The following IQGAP2 variants were observed in gnomAD, a reference collection of about 807,000 sequenced individuals.
The protein encoded by IQGAP2 is ras GTPase-activating-like protein IQGAP2.
A neutral mutation model predicts 201.3 loss-of-function variants in IQGAP2; 173 were observed. That is an observed-to-expected ratio of 0.86 (90% confidence interval 0.76 to 0.98). The LOEUF is 0.98. Among genes scored for constraint, IQGAP2 ranks in the 50% least tolerant of loss-of-function variants. The pLI, the probability that IQGAP2 is intolerant of heterozygous loss-of-function variation, is 0.00. For synonymous variants in IQGAP2, 675 were observed against 673.9 expected (o/e 1.00, Z -0.03); for missense variants, 1,687 against 1,864.8 (o/e 0.90, Z 1.76).
intron 2 of IQGAP2, among the ~76,000 whole-genome samples, chr5:76,558,173 A>C (rs1744080607): frequency 6.6e-6 from 1 of 152,114 alleles, no homozygotes; most frequent in African/African-American, 2.4e-5. Flanking sequence ...ACCTCTTTTT[A>C]AAAACAAGCC....
At chr5:76,637,522 C>A (rs973721244) in intron 16 of IQGAP2, among the ~76,000 whole-genome samples, 5 of 152,162 alleles carry the variant, frequency 3.3e-5, no homozygotes, top group Non-Finnish European at 5.9e-5. Context: ...AAAGGTATTT[C>A]TTTCCCCCCA....
In IQGAP2 at chr5:76,468,848, C is replaced by G. The variant is rs554850571; in HGVS notation, c.146+7179C>G. ...CTCTTTATCTAGTCAGACTTACTTC[C>G]TCTTCAGATTGCAGCTCACTTTTTC... On this transcript the variant is annotated intron_variant, in intron 2 of 35. Transcript: ENST00000274364. Among the ~76,000 whole-genome samples the G allele has an allele frequency of 9.2e-5, 14 of 152,334 alleles. No homozygotes were observed. In the South Asian group the frequency reaches 2.9e-3, roughly 32 times the overall value.
chr5:76,617,951 G>A lies in IQGAP2; in HGVS notation c.1521+6768G>A, dbSNP rs746156972. 9.9e-6 allele frequency: 16 copies of A among 1,613,958 alleles called. No individual in the cohort carries two copies. In the East Asian group the frequency reaches 1.1e-4, roughly 11 times the overall value. The stretch of plus-strand genomic sequence containing the variant: ...AGAGTTGGAAGGGAGATGAGGACTC[G>A]CAAGTGTTGTGAACATCATGGCAGG... On this transcript the variant is annotated intron_variant, in intron 13 of 35. Transcript: ENST00000274364.
In IQGAP2 at chr5:76,496,771, T is replaced by TTTTCTTTGTTTC. The variant is rs1561416689; in HGVS notation, c.146+35103_146+35104insTTCTTTGTTTCT. Among the ~76,000 whole-genome samples the TTTTCTTTGTTTC allele has an allele frequency of 3.0e-4, 36 of 120,956 alleles. 1 individual carries two copies. Among genetic ancestry groups the TTTTCTTTGTTTC allele is most frequent in the African/African-American group, 1.4e-3 (34 of 24,286 alleles). 79.4% of individuals were successfully genotyped at this position (120,956 alleles called of 152,430 possible). On this transcript the variant is annotated intron_variant, in intron 2 of 35. Transcript: ENST00000274364. ...TTTCTTTCTTTCTTTCTTTCTTTCTTTCTTTCTTTCTTTCTTTCTTTCTCT... is the reference window on the plus strand; with the variant it reads ...TTTCTTTCTTTCTTTCTTTCTTTCTTTTTCTTTGTTTCTCTTTCTTTCTTTCTTTCTTTCTCT...
intron 2 of IQGAP2, among the ~76,000 whole-genome samples, chr5:76,559,946 G>T (rs948702993): frequency 3.3e-5 from 5 of 151,970 alleles, no homozygotes; most frequent in African/African-American, 1.2e-4. Context: ...GATAGGTTCC[G>T]GCCACCCAAG....
intron 16 of IQGAP2, 124 bp from the exon 17 acceptor site, chr5:76,640,809 T>C (rs1751512565): frequency 4.2e-6 from 3 of 706,952 alleles, no homozygotes; most frequent in East Asian, 2.7e-5. Flanking sequence ...CTTAAATTTG[T>C]TTTTAAACCA....
intron 2 of IQGAP2, among the ~76,000 whole-genome samples, chr5:76,552,926 A>G (rs1378250776): frequency 6.6e-6 from 1 of 152,190 alleles, no homozygotes; most frequent in East Asian, 1.9e-4. Flanking sequence ...CTGTGTTTTA[A>G]GGAAAATAAT....
chr5:76,579,297 A>G (rs1745678035), intron 5 of IQGAP2, among the ~76,000 whole-genome samples: 1 of 152,180 alleles, frequency 6.6e-6, no homozygotes. Flanking sequence ...CAGAAACAAA[A>G]GAATACCCTT....
intron 19 of IQGAP2, 143 bp downstream of exon 19, chr5:76,654,414 A>G (rs1422891060): frequency 1.8e-6 from 1 of 568,236 alleles, no homozygotes; most frequent in Non-Finnish European, 3.0e-6. Context: ...TCATATGATA[A>G]TATTTGGAGG....
intron 21 of IQGAP2, among the ~76,000 whole-genome samples, chr5:76,663,477 G>A (rs1419412212): frequency 1.3e-5 from 2 of 151,916 alleles, no homozygotes; most frequent in East Asian, 1.9e-4. Flanking sequence ...TTTCAAATAT[G>A]AGTCGCATGC....
rs147860676 is a variant in IQGAP2 at position 76,701,200 on chromosome 5, C to T, written c.4492C>T (p.Leu1498Phe). The T allele has an allele frequency of 1.4e-5, 23 of 1,614,004 alleles. No individual in the cohort carries two copies. The African/African-American group carries it at 2.9e-4, about 21-fold the overall frequency. The change falls in exon 34 of 36, where the codon CTT (leucine) becomes TTT (phenylalanine). Residue 1498 changes from leucine to phenylalanine, a missense_variant. Leu to Phe is a conservative substitution (Grantham distance 22). Transcript: ENST00000274364. ...EKGVLLDIDDLQTNQFKNVTF... is the reference protein window; with the variant it reads ...EKGVLLDIDDFQTNQFKNVTF... ...AGGTGTCCTGCTAGATATAGATGAT[C>T]TTCAAACAAACCAGTAAGTGTGACC... is the stretch of plus-strand genomic sequence containing the variant.
At chr5:76,657,930 TG>T (rs1446486144) in intron 20 of IQGAP2, among the ~76,000 whole-genome samples, 1 of 152,210 alleles carries the variant, frequency 6.6e-6, no homozygotes, top group Non-Finnish European at 1.5e-5. Context: ...CTTATCATTC[TG>T]TTGGTTCCTG....
At chr5:76,508,327 A>G (rs76177836) in intron 2 of IQGAP2, among the ~76,000 whole-genome samples, 4,186 of 152,182 alleles carry the variant, frequency 0.028, 178 homozygotes, top group African/African-American at 0.094. Flanking sequence ...CTAAAAAAAT[A>G]AAAAAGATAT....
chr5:76,707,225 G>T lies in IQGAP2; in HGVS notation c.4640G>T (p.Gly1547Val). 1 of 1,514,904 alleles carries T rather than the reference G, an allele frequency of 6.6e-7. No homozygotes were observed. Among genetic ancestry groups the T allele is most frequent in the South Asian group, 1.1e-5 (1 of 89,090 alleles). The allele number at this position is 1,514,904 out of a possible 1,614,324, so 93.8% of individuals were successfully genotyped here. The change falls in exon 36 of 36, where the codon GGA (glycine) becomes GTA (valine). Residue 1547 changes from glycine to valine, a missense_variant. Physicochemically the swap from Gly to Val is moderately radical, Grantham distance 109. Transcript: ENST00000274364. ...GATTTACTTCAGATGCAATATGAAGGAGTAGCTGTAATGAAAATGTTTGAT... is the reference window on the plus strand; with the variant it reads ...GATTTACTTCAGATGCAATATGAAGTAGTAGCTGTAATGAAAATGTTTGAT... ...IQDLLQMQYE[G>V]VAVMKMFDKV...
chr5:76,618,159 A>G (rs757202813), intron 13 of IQGAP2: 9 of 1,614,180 alleles, frequency 5.6e-6, no homozygotes, highest in Non-Finnish European at 6.8e-6. Flanking sequence ...GCAGGCAAGG[A>G]GCAGAATGGA....
chr5:76,670,586 A>G (rs1426721648), intron 23 of IQGAP2, among the ~76,000 whole-genome samples: 1 of 152,128 alleles, frequency 6.6e-6, no homozygotes, highest in Non-Finnish European at 1.5e-5. Context: ...AAAAGGAATG[A>G]CTGGGTAAGA....
chr5:76,645,177 A>G (rs2150411684), intron 17 of IQGAP2, among the ~76,000 whole-genome samples: 1 of 151,770 alleles, frequency 6.6e-6, no homozygotes, highest in Middle Eastern at 3.4e-3. Context: ...AAGGATGTGA[A>G]CTCATCCTTT....
chr5:76,505,214 A>G (rs149539916), intron 2 of IQGAP2, among the ~76,000 whole-genome samples: 1,800 of 152,340 alleles, frequency 0.012, 18 homozygotes, highest in Non-Finnish European at 0.019. Flanking sequence ...CATTTGACAG[A>G]TATTTGTCTA....
chr5:76,602,721 A>G (rs770588543), intron 11 of IQGAP2, among the ~76,000 whole-genome samples: 2 of 152,080 alleles, frequency 1.3e-5, no homozygotes, highest in African/African-American at 2.4e-5. Context: ...TTTTACTTCC[A>G]AAGTCAGCAT....
Sources: allele counts gnomAD v4.1 joint callset (sites outside exome capture counted in the v4.1 genomes callset), GRCh38; gene constraint gnomAD v4.1.1; transcripts MANE v1.5; gene names NCBI Gene and HGNC (gene_info 2026-07-23, HGNC 2026-07-21).